Variants in OR1M1 observed in about 807,000 individuals in gnomAD.
OR1M1 encodes the protein olfactory receptor 1M1.
For missense variants in OR1M1, 397 were observed against 401.8 expected (o/e 0.99, Z 0.10); for synonymous variants, 157 against 165.5 (o/e 0.95, Z 0.39).
intron 1 of OR1M1, among the ~76,000 whole-genome samples, chr19:9,089,420 C>CT (rs2050281222): frequency 8.7e-6 from 1 of 115,358 alleles, no homozygotes; most frequent in African/African-American, 3.6e-5. Flanking sequence ...ATTTCTACCA[C>CT]ATTTTTTTTT....
chr19:9,092,762 G>C (rs377515970), intron 1 of OR1M1, among the ~76,000 whole-genome samples: 15 of 151,680 alleles, frequency 9.9e-5, no homozygotes, highest in African/African-American at 3.1e-4. Context: ...TTAGCCGGAC[G>C]TGGTGGTGGG....
chr19:9,094,131 A>T lies in OR1M1; in HGVS notation c.887A>T (p.Asp296Val). 1.2e-6 allele frequency: 2 copies of T among 1,613,348 alleles called. No homozygotes were observed. The highest frequency in any genetic ancestry group is 1.7e-4 in the Middle Eastern group (1 of 6,060). The stretch of plus-strand genomic sequence containing the variant: ...TTCATCTACAGCTTGAGGAACAGAG[A>T]CCTGAAAGGGGCTCTCAGGAAGCTG... ...NPFIYSLRNR[D>V]LKGALRKLVN... The change falls in exon 2 of 2, where the codon GAC (aspartate) becomes GTC (valine). Residue 296 changes from aspartate to valine, a missense_variant. By Grantham distance (152) the Asp-to-Val change is radical (BLOSUM62 -3). Transcript: ENST00000641627.
chr19:9,088,300 C>T (rs2050275096), intron 1 of OR1M1, among the ~76,000 whole-genome samples: 1 of 152,146 alleles, frequency 6.6e-6, no homozygotes, highest in African/African-American at 2.4e-5. Flanking sequence ...GTCTTGGAAG[C>T]CCTTGGAGAT....
rs780404766 is a variant in OR1M1, at chr19:9,093,948, A to G, written c.704A>G (p.Lys235Arg). 1.2e-5 allele frequency: 19 copies of G among 1,614,036 alleles called. No homozygotes were observed. Among genetic ancestry groups the G allele is most frequent in the Non-Finnish European group, 1.4e-5 (17 of 1,180,038 alleles). ...AAGGTCCCCTCTGCAGGCGGCAGGA[A>G]GAAAGCCTTCTCCACCTGCAGCTCC... ...IMKVPSAGGR[K>R]KAFSTCSSHL... Residue 235 changes from lysine (K) to arginine (R), a missense_variant, in exon 2 of 2, where the codon AAG becomes AGG. Lys to Arg is a conservative substitution (Grantham distance 26). Transcript: ENST00000641627.
Position 9,094,161 on chromosome 19 carries a change from A to G in OR1M1, c.917A>G (p.Asn306Ser). 1 of 1,609,826 alleles carries G rather than the reference A, an allele frequency of 6.2e-7. No homozygotes were observed. The highest frequency in any genetic ancestry group is 8.5e-7 in the Non-Finnish European group (1 of 1,179,470). The change falls in exon 2 of 2, where the codon AAC becomes AGC. Residue 306 changes from asparagine (N) to serine (S), a missense_variant. Transcript: ENST00000641627. ...AAAGGGGCTCTCAGGAAGCTGGTCAACAGAAAGATCACCTCATCTTCCTGA... is the reference window on the plus strand; with the variant it reads ...AAAGGGGCTCTCAGGAAGCTGGTCAGCAGAAAGATCACCTCATCTTCCTGA... ...DLKGALRKLV[N>S]RKITSSS
rs1428544763 is a variant in OR1M1, at chr19:9,094,280, T to C, written c.*94T>C. 1.5e-6 allele frequency: 1 copy of C among 668,646 alleles called. No individual in the cohort carries two copies. The highest frequency in any genetic ancestry group is 2.5e-6 in the Non-Finnish European group (1 of 403,342). The allele number at this position is 668,646 out of a possible 1,614,324, so 41.4% of individuals were successfully genotyped here. A position where few individuals can be genotyped will look rare whatever the true frequency, so the allele number is the denominator to read the frequency against. On this transcript the variant is annotated 3_prime_UTR_variant, in exon 2 of 2. Coordinates refer to ENST00000641627, the MANE Select transcript of OR1M1 (RefSeq NM_001004456.2). ...ATTGCATGAGTTGAAGAGTAGGCAC[T>C]TTGAATTTTATTATTATTATTATTA...
intron 1 of OR1M1, 108 bp from the exon 2 acceptor site, chr19:9,093,124 A>G: frequency 1.6e-6 from 1 of 620,820 alleles, no homozygotes; most frequent in South Asian, 2.0e-5. Flanking sequence ...ATATATATAC[A>G]CATCTGGTCT....
At chr19:9,090,935 G>A (rs2050288856) in intron 1 of OR1M1, among the ~76,000 whole-genome samples, 1 of 151,812 alleles carries the variant, frequency 6.6e-6, no homozygotes, top group Non-Finnish European at 1.5e-5. Flanking sequence ...GAGAGGCCAA[G>A]GCGGGCAGAT....
In OR1M1 at chr19:9,093,349, C is replaced by T. The variant is rs2050305412; in HGVS notation, c.105C>T (p.Tyr35=). The part of the protein sequence containing the change: ...TLLFSLFFCM[Y]LVMVVGNLLI... ...TCTTTTCCCTGTTCTTCTGCATGTA[C>T]CTGGTCATGGTCGTGGGGAACCTGC... Residue 35 remains tyrosine, a synonymous_variant, in exon 2 of 2, where the codon TAC becomes TAT. Transcript: ENST00000641627. 1 of 1,613,866 alleles carries T rather than the reference C, an allele frequency of 6.2e-7. No individual in the cohort carries two copies.
rs1040243808 is a variant in OR1M1 at position 9,094,364 on chromosome 19, T to A, written c.*178T>A. 1.9e-6 allele frequency: 1 copy of A among 530,372 alleles called. No homozygotes were observed. The highest frequency in any genetic ancestry group is 3.3e-6 in the Non-Finnish European group (1 of 301,370). 32.9% of individuals were successfully genotyped at this position (530,372 alleles called of 1,614,324 possible). ...TGGAGTGCAGTGGCGTGATCATAGA[T>A]CACTGCAGCTTCAAACTTCTCTCTC... On this transcript the variant is annotated 3_prime_UTR_variant, in exon 2 of 2. Transcript: ENST00000641627.
Position 9,094,116 on chromosome 19 carries a change from G to C in OR1M1, c.872G>C (p.Ser291Thr), listed in dbSNP as rs1222166298. Reference sequence around the variant, plus strand: ...CCCATGCTGAATCCCTTCATCTACAGCTTGAGGAACAGAGACCTGAAAGGG... The same window carrying C: ...CCCATGCTGAATCCCTTCATCTACACCTTGAGGAACAGAGACCTGAAAGGG... ...VTPMLNPFIYSLRNRDLKGAL... is the reference protein window; with the variant it reads ...VTPMLNPFIYTLRNRDLKGAL... Residue 291 changes from serine to threonine, a missense_variant, in exon 2 of 2, where the codon AGC (serine) becomes ACC (threonine). Ser to Thr is a moderately conservative substitution (Grantham distance 58). Coordinates refer to ENST00000641627, the MANE Select transcript of OR1M1 (RefSeq NM_001004456.2). 6.2e-7 allele frequency: 1 copy of C among 1,613,586 alleles called. No individual in the cohort carries two copies. The highest frequency in any genetic ancestry group is 2.2e-5 in the East Asian group (1 of 44,850).
Position 9,093,849 on chromosome 19 carries a change from T to C in OR1M1, c.605T>C (p.Val202Ala). 1 of 1,614,148 alleles carries C rather than the reference T, an allele frequency of 6.2e-7. No homozygotes were observed. The highest frequency in any genetic ancestry group is 8.5e-7 in the Non-Finnish European group (1 of 1,180,036). ...TSVNRIFILIVAGMVIATPFV... is the reference protein window; with the variant it reads ...TSVNRIFILIAAGMVIATPFV... ...GTGAATAGGATCTTCATCCTCATTG[T>C]GGCAGGGATGGTGATAGCCACGCCC... The change falls in exon 2 of 2, where the codon GTG becomes GCG. Residue 202 changes from valine (V) to alanine (A), a missense_variant. By Grantham distance (64) the Val-to-Ala change is moderately conservative (BLOSUM62 0). Transcript: ENST00000641627.
rs768842433 is a variant in OR1M1, at chr19:9,093,999, A to G, written c.755A>G (p.Tyr252Cys). Residue 252 changes from tyrosine (Y) to cysteine (C), a missense_variant, in exon 2 of 2, where the codon TAT becomes TGT. Physicochemically the swap from Tyr to Cys is radical, Grantham distance 194. Coordinates refer to ENST00000641627, the MANE Select transcript of OR1M1 (RefSeq NM_001004456.2). ...SSHLSVVALF[Y>C]GTTIGVYLCP... ...CACCTGTCTGTGGTTGCTCTCTTCT[A>G]TGGGACCACCATTGGCGTCTATCTG... 15 of 1,614,068 alleles carry G rather than the reference A, an allele frequency of 9.3e-6. No homozygotes were observed. The East Asian group carries it at 2.9e-4, about 31-fold the overall frequency.
Position 9,090,583 on chromosome 19 carries a change from C to T in OR1M1, c.-13-2649C>T, listed in dbSNP as rs548353404. On this transcript the variant is annotated intron_variant, in intron 1 of 1. Coordinates refer to ENST00000641627, the MANE Select transcript of OR1M1 (RefSeq NM_001004456.2). ...CTGAGTAGCTGGGTTTACAGGCATG[C>T]GCCACCATGCCCGGCTAATTTTGTA... is the stretch of plus-strand genomic sequence containing the variant. 9.2e-5 allele frequency among the ~76,000 whole-genome samples: 14 copies of T among 152,002 alleles called. No individual in the cohort carries two copies. In the East Asian group the frequency reaches 1.2e-3, roughly 13 times the overall value.
chr19:9,093,119 T>G (rs2050303595), intron 1 of OR1M1, 113 bp from the exon 2 acceptor site: 1 of 610,056 alleles, frequency 1.6e-6, no homozygotes, highest in Non-Finnish European at 2.9e-6. Context: ...CATATATATA[T>G]ATACACATCT....
At chr19:9,093,079 T>TACAC (rs560891702) in intron 1 of OR1M1, 153 bp from the exon 2 acceptor site, 56,970 of 402,564 alleles carry the variant, frequency 0.14, 1,963 homozygotes, top group Admixed American at 0.19. Context: ...ATTCTATATA[T>TACAC]ACACACACAC....
rs180891613 is a variant in OR1M1, at chr19:9,094,141, G to A, written c.897G>A (p.Gly299=). The change falls in exon 2 of 2, where the codon GGG becomes GGA. Residue 299 remains glycine, a synonymous_variant. Coordinates refer to ENST00000641627, the MANE Select transcript of OR1M1 (RefSeq NM_001004456.2). The part of the protein sequence containing the change: ...IYSLRNRDLK[G]ALRKLVNRKI... ...GCTTGAGGAACAGAGACCTGAAAGGGGCTCTCAGGAAGCTGGTCAACAGAA... is the reference window on the plus strand; with the variant it reads ...GCTTGAGGAACAGAGACCTGAAAGGAGCTCTCAGGAAGCTGGTCAACAGAA... 164 of 1,612,586 alleles carry A rather than the reference G, an allele frequency of 1.0e-4. 1 individual carries two copies. The highest frequency in any genetic ancestry group is 9.9e-4 in the Middle Eastern group (6 of 6,056).
chr19:9,094,724 C>A lies in OR1M1; in HGVS notation c.*538C>A, dbSNP rs1177256057. Reference sequence around the variant, plus strand: ...TCAGCTAATTTTTGTATCTTTTGTACAGACAGGGTTTTGCCATACTACCCA... The same window carrying A: ...TCAGCTAATTTTTGTATCTTTTGTAAAGACAGGGTTTTGCCATACTACCCA... On this transcript the variant is annotated 3_prime_UTR_variant, in exon 2 of 2. Transcript: ENST00000641627. 1 of 152,642 alleles carries A rather than the reference C, an allele frequency of 6.6e-6. No homozygotes were observed. The highest frequency in any genetic ancestry group is 1.9e-4 in the East Asian group (1 of 5,168). The allele number at this position is 152,642 out of a possible 1,614,324, so 9.5% of individuals were successfully genotyped here.
intron 1 of OR1M1, among the ~76,000 whole-genome samples, chr19:9,091,161 T>C (rs1043646212): frequency 1.3e-5 from 2 of 151,418 alleles, no homozygotes; most frequent in Non-Finnish European, 2.9e-5. Context: ...AGCGAGACTC[T>C]GTCTCAAAAA....
Sources: gnomAD v4.1 joint callset for allele counts (sites outside exome capture counted in the v4.1 genomes callset) on GRCh38, gnomAD v4.1.1 for gene constraint, MANE v1.5 for transcripts, NCBI Gene and HGNC (gene_info 2026-07-23, HGNC 2026-07-21) for gene names.